The following MACROD2 variants were observed in gnomAD, a reference collection of about 807,000 sequenced individuals.
The protein encoded by MACROD2 is mono-ADP ribosylhydrolase 2.
Under a neutral mutation model 70.4 loss-of-function variants are expected in MACROD2, and 36 were observed. The ratio of observed to expected loss-of-function variants is 0.51; its 90% confidence interval spans 0.39 to 0.68. The LOEUF (loss-of-function observed/expected upper bound fraction) is 0.68. Ranked by LOEUF, MACROD2 falls within the 30% of genes least tolerant of loss-of-function variation. The pLI is 0.00. For synonymous variants in MACROD2, 172 were observed against 178.8 expected, an observed-to-expected ratio of 0.96 and a Z score of 0.30; for missense variants, 496 against 538.4, an observed-to-expected ratio of 0.92 and a Z score of 0.78.
chr20:15,847,587 A>G (rs1489014856), intron 8 of MACROD2, among the ~76,000 whole-genome samples: 1 of 152,226 alleles, frequency 6.6e-6, no homozygotes, highest in Non-Finnish European at 1.5e-5. Flanking sequence ...ATGCTGGAGC[A>G]GAATCGAGTT....
chr20:15,440,175 G>A (rs544022477), intron 7 of MACROD2, among the ~76,000 whole-genome samples: 3 of 152,238 alleles, frequency 2.0e-5, no homozygotes, highest in East Asian at 3.9e-4. Context: ...TATTCCGTGA[G>A]TACTTAAAAA....
At chr20:15,676,214 C>T (rs1229626538) in intron 8 of MACROD2, among the ~76,000 whole-genome samples, 1 of 152,060 alleles carries the variant, frequency 6.6e-6, no homozygotes, top group Admixed American at 6.5e-5. Context: ...TATGTGCCTC[C>T]ATAAAAGCTG....
chr20:14,964,495 T>A (rs1246953793), intron 5 of MACROD2, among the ~76,000 whole-genome samples: 2 of 151,428 alleles, frequency 1.3e-5, no homozygotes, highest in Non-Finnish European at 2.9e-5. Flanking sequence ...ATGGCGTGAA[T>A]CTGGGAGGTG....
At chr20:15,847,064 A>G (rs1370180566) in intron 8 of MACROD2, among the ~76,000 whole-genome samples, 1 of 152,084 alleles carries the variant, frequency 6.6e-6, no homozygotes, top group African/African-American at 2.4e-5. Flanking sequence ...AATTACATAG[A>G]AAAAATAGAA....
At chr20:14,736,682 A>G (rs569088589) in intron 5 of MACROD2, among the ~76,000 whole-genome samples, 88 of 152,270 alleles carry the variant, frequency 5.8e-4, no homozygotes, top group African/African-American at 2.0e-3. Flanking sequence ...TTTAATCATC[A>G]TGACGACTCT....
chr20:15,785,356 A>C (rs962286887), intron 8 of MACROD2, among the ~76,000 whole-genome samples: 4 of 152,066 alleles, frequency 2.6e-5, no homozygotes, highest in Non-Finnish European at 5.9e-5. Context: ...ATTCATGGGA[A>C]CTGAGAACTG....
chr20:14,517,743 C>A (rs1324127093), intron 4 of MACROD2, among the ~76,000 whole-genome samples: 7 of 151,994 alleles, frequency 4.6e-5, no homozygotes, highest in African/African-American at 1.7e-4. Flanking sequence ...CATTTTTTTC[C>A]ACATGTATGC....
intron 6 of MACROD2, among the ~76,000 whole-genome samples, chr20:15,284,099 G>T (rs528549856): frequency 6.0e-4 from 91 of 152,134 alleles, no homozygotes; most frequent in African/African-American, 2.2e-3. Flanking sequence ...GATATAATAA[G>T]TTATTATTCA....
intron 8 of MACROD2, among the ~76,000 whole-genome samples, chr20:15,800,603 G>A (rs1366932542): frequency 3.3e-5 from 5 of 152,108 alleles, no homozygotes; most frequent in Admixed American, 6.5e-5. Flanking sequence ...CACCCCGTCC[G>A]GGAGGTGAGG....
At chr20:14,872,194 C>G (rs1442598592) in intron 5 of MACROD2, among the ~76,000 whole-genome samples, 1 of 152,156 alleles carries the variant, frequency 6.6e-6, no homozygotes, top group Non-Finnish European at 1.5e-5. Context: ...GAACTCTCCA[C>G]TCTGCCATTT....
chr20:14,265,237 A>C (rs887207763), intron 3 of MACROD2, among the ~76,000 whole-genome samples: 2 of 152,190 alleles, frequency 1.3e-5, no homozygotes, highest in Non-Finnish European at 2.9e-5. Flanking sequence ...TGATCAGCTG[A>C]TTCTTTCTAC....
intron 13 of MACROD2, among the ~76,000 whole-genome samples, chr20:15,973,263 G>A (rs1354113378): frequency 6.6e-6 from 1 of 151,704 alleles, no homozygotes; most frequent in Non-Finnish European, 1.5e-5. Flanking sequence ...AAGAAAAAGA[G>A]GAAATGAGGA....
intron 3 of MACROD2, among the ~76,000 whole-genome samples, chr20:14,390,868 A>T (rs556169180): frequency 6.6e-5 from 10 of 152,354 alleles, no homozygotes; most frequent in Admixed American, 6.5e-4. Context: ...AATCATATTT[A>T]AAAAAGCACA....
At chr20:14,089,847 G>T (rs1012505376) in intron 3 of MACROD2, among the ~76,000 whole-genome samples, 1 of 152,100 alleles carries the variant, frequency 6.6e-6, no homozygotes, top group Non-Finnish European at 1.5e-5. Flanking sequence ...TGGTGGCTTT[G>T]TATATAGCTA....
chr20:15,465,467 C>T (rs899005220), intron 7 of MACROD2, among the ~76,000 whole-genome samples: 21 of 152,212 alleles, frequency 1.4e-4, no homozygotes, highest in Admixed American at 3.3e-4. Context: ...TGGCCCAGGC[C>T]GTGAGACAAA....
At chr20:14,781,674 A>C (rs895189194) in intron 5 of MACROD2, among the ~76,000 whole-genome samples, 2 of 151,732 alleles carry the variant, frequency 1.3e-5, no homozygotes, top group African/African-American at 4.9e-5. Context: ...ATGCACATGT[A>C]AGAAAATGAT....
At chr20:15,840,155 A>T (rs1241446689) in intron 8 of MACROD2, among the ~76,000 whole-genome samples, 1 of 152,218 alleles carries the variant, frequency 6.6e-6, no homozygotes, top group Admixed American at 6.5e-5. Context: ...TGGCCATGAC[A>T]GTGGCTCAAG....
Position 14,423,593 on chromosome 20 carries a change from G to A in MACROD2, c.272-69886G>A, listed in dbSNP as rs112935668. On this transcript the variant is annotated intron_variant, in intron 3 of 17. Coordinates refer to ENST00000684519, the MANE Select transcript of MACROD2 (RefSeq NM_001351661.2). ...CGGGCCCCTGTAGTCCCAGCTACTC[G>A]GGAGGCTGAGGCAGGAGAATGGCTT... Among the ~76,000 whole-genome samples the A allele has an allele frequency of 5.4e-3, 815 of 150,556 alleles. 9 individuals are homozygous for A. Among genetic ancestry groups the A allele is most frequent in the African/African-American group, 0.019 (777 of 41,132 alleles).
intron 5 of MACROD2, among the ~76,000 whole-genome samples, chr20:14,978,020 A>T (rs948800120): frequency 6.6e-6 from 1 of 152,156 alleles, no homozygotes; most frequent in Admixed American, 6.5e-5. Flanking sequence ...TTCTTCCTTA[A>T]TATGTGCTTG....
Sources: allele counts gnomAD v4.1 joint callset (sites outside exome capture counted in the v4.1 genomes callset), GRCh38; gene constraint gnomAD v4.1.1; transcripts MANE v1.5; gene names NCBI Gene and HGNC (gene_info 2026-07-23, HGNC 2026-07-21).